The following ARHGAP22 variants were observed in gnomAD, a reference collection of about 807,000 sequenced individuals.
The protein encoded by ARHGAP22 is Rho GTPase activating protein 22.
Under a neutral mutation model 59.1 loss-of-function variants are expected in ARHGAP22, and 48 were observed. The ratio of observed to expected loss-of-function variants is 0.81; its 90% CI spans 0.64 to 1.03. ARHGAP22 has a LOEUF of 1.03. Among genes scored for constraint, ARHGAP22 ranks in the 50% least tolerant of loss-of-function variants. ARHGAP22 has a pLI of 0.00. For missense variants in ARHGAP22, 1,015 were observed against 958.7 expected (o/e 1.06, Z -0.78); for synonymous variants, 445 against 416.4 (o/e 1.07, Z -0.84).
rs1478117843 is a variant in ARHGAP22 at position 48,650,918 on chromosome 10, G to A, written c.52+1316C>T. 2.0e-5 allele frequency among the ~76,000 whole-genome samples: 3 copies of A among 152,140 alleles called. 1 individual carries two copies. Among genetic ancestry groups the A allele is most frequent in the East Asian group, 1.9e-4 (1 of 5,194 alleles). ...ACAGTGTGAGAAGTGTCTGCAGCACGAGGCCGGCCCAGGGGTCCTGGCTTC... is the reference window on the plus strand; with the variant it reads ...ACAGTGTGAGAAGTGTCTGCAGCACAAGGCCGGCCCAGGGGTCCTGGCTTC... On this transcript the variant is annotated intron_variant, in intron 1 of 9. Transcript: ENST00000435790.
At chr10:48,623,200 C>T (rs1463357660) in intron 1 of ARHGAP22, among the ~76,000 whole-genome samples, 1 of 152,178 alleles carries the variant, frequency 6.6e-6, no homozygotes, top group African/African-American at 2.4e-5. Flanking sequence ...CTTTAACCAG[C>T]CTGCCATGGT....
At chr10:48,461,395 G>A (rs2047121786) in intron 4 of ARHGAP22, among the ~76,000 whole-genome samples, 1 of 152,250 alleles carries the variant, frequency 6.6e-6, no homozygotes, top group East Asian at 1.9e-4. Context: ...TGTTCCTCTT[G>A]AGAAAATTCA....
intron 3 of ARHGAP22, among the ~76,000 whole-genome samples, chr10:48,554,261 C>T (rs1215038383): frequency 6.6e-6 from 1 of 152,236 alleles, no homozygotes; most frequent in Non-Finnish European, 1.5e-5. Flanking sequence ...ATGCCCCTAT[C>T]CCAGGCAGGA....
intron 3 of ARHGAP22, among the ~76,000 whole-genome samples, chr10:48,495,796 C>T (rs969363927): frequency 5.9e-5 from 9 of 152,252 alleles, no homozygotes; most frequent in Non-Finnish European, 1.0e-4. Flanking sequence ...CACATTCCCT[C>T]GCTTGTTCTC....
intron 2 of ARHGAP22, among the ~76,000 whole-genome samples, chr10:48,581,765 T>C (rs1564929192): frequency 6.6e-6 from 1 of 152,244 alleles, no homozygotes; most frequent in Non-Finnish European, 1.5e-5. Context: ...TTAACGTCAA[T>C]ATACGGTATT....
chr10:48,594,371 AC>A (rs2059941031), intron 1 of ARHGAP22, among the ~76,000 whole-genome samples: 1 of 152,032 alleles, frequency 6.6e-6, no homozygotes. Context: ...TGCCTCCTCC[AC>A]CCCGTCTCTC....
chr10:48,648,190 A>G (rs1354487030), intron 1 of ARHGAP22, among the ~76,000 whole-genome samples: 1 of 152,210 alleles, frequency 6.6e-6, no homozygotes, highest in Non-Finnish European at 1.5e-5. Flanking sequence ...ATTGCATGTA[A>G]CTTACATATC....
chr10:48,456,421 C>A (rs2046515218), intron 5 of ARHGAP22, among the ~76,000 whole-genome samples: 1 of 152,188 alleles, frequency 6.6e-6, no homozygotes, highest in Non-Finnish European at 1.5e-5. Flanking sequence ...ATCCCACCCT[C>A]CTTCCATCTC....
intron 1 of ARHGAP22, among the ~76,000 whole-genome samples, chr10:48,631,525 T>C (rs1474363612): frequency 6.6e-6 from 1 of 152,224 alleles, no homozygotes; most frequent in Non-Finnish European, 1.5e-5. Flanking sequence ...GGGATATCAA[T>C]TATACTTCTT....
At chr10:48,520,608 G>A (rs1288556466) in intron 3 of ARHGAP22, among the ~76,000 whole-genome samples, 1 of 152,210 alleles carries the variant, frequency 6.6e-6, no homozygotes, top group Admixed American at 6.5e-5. Flanking sequence ...ACAGGGACAA[G>A]AAATTGGTCT....
chr10:48,581,285 A>G (rs569667986), intron 2 of ARHGAP22, among the ~76,000 whole-genome samples: 17 of 152,334 alleles, frequency 1.1e-4, no homozygotes, highest in Non-Finnish European at 1.6e-4. Flanking sequence ...CACGTTTGCT[A>G]TAAAACCCTC....
At chr10:48,605,165 G>C, upstream of ARHGAP22, 2 of 1,138,770 alleles carry the variant, frequency 1.8e-6, no homozygotes, top group Non-Finnish European at 2.2e-6. Flanking sequence ...GAGAGGGGCG[G>C]GGCCAGCCAG....
intron 4 of ARHGAP22, among the ~76,000 whole-genome samples, chr10:48,475,651 A>C (rs1404790921): frequency 6.6e-6 from 1 of 152,210 alleles, no homozygotes; most frequent in Non-Finnish European, 1.5e-5. Context: ...CTCTACCTTC[A>C]GAATAAATCA....
chr10:48,614,123 T>C (rs1387438836), intron 1 of ARHGAP22, among the ~76,000 whole-genome samples: 1 of 152,250 alleles, frequency 6.6e-6, no homozygotes, highest in Non-Finnish European at 1.5e-5. Context: ...TATTCTGTTA[T>C]AGCAGCATAA....
At chr10:48,560,142 C>G (rs2057591705) in intron 2 of ARHGAP22, among the ~76,000 whole-genome samples, 1 of 152,152 alleles carries the variant, frequency 6.6e-6, no homozygotes, top group Non-Finnish European at 1.5e-5. Context: ...AGAACTCCAA[C>G]TTAATTATTC....
chr10:48,631,664 C>A (rs1240671421), intron 1 of ARHGAP22, among the ~76,000 whole-genome samples: 1 of 152,204 alleles, frequency 6.6e-6, no homozygotes, highest in Non-Finnish European at 1.5e-5. Context: ...GTTCCTCCAT[C>A]CTGTTCCTTA....
upstream of ARHGAP22, among the ~76,000 whole-genome samples, chr10:48,653,263 A>T (rs745373629): frequency 1.7e-4 from 26 of 152,240 alleles, no homozygotes; most frequent in Non-Finnish European, 2.8e-4. Flanking sequence ...AAAAGCAGTT[A>T]AAAACCAATC....
At chr10:48,572,271 A>G (rs888251480) in intron 2 of ARHGAP22, among the ~76,000 whole-genome samples, 4 of 152,246 alleles carry the variant, frequency 2.6e-5, no homozygotes, top group South Asian at 4.1e-4. Context: ...TTTCTCTAGC[A>G]GTTAAACAGG....
chr10:48,597,513 T>C (rs1366741968), intron 1 of ARHGAP22, among the ~76,000 whole-genome samples: 3 of 152,126 alleles, frequency 2.0e-5, no homozygotes, highest in African/African-American at 7.2e-5. Flanking sequence ...TTTCTGTCTA[T>C]AAATGGGGGC....
Sources: gnomAD v4.1 joint callset for allele counts (sites outside exome capture counted in the v4.1 genomes callset) on GRCh38, gnomAD v4.1.1 for gene constraint, MANE v1.5 for transcripts, NCBI Gene and HGNC (gene_info 2026-07-23, HGNC 2026-07-21) for gene names.